SIL1: variants seen among roughly 807,000 people sequenced by gnomAD.
The protein encoded by SIL1 is SIL1 nucleotide exchange factor.
SIL1 carries 40 observed loss-of-function variants against 49.1 expected under a neutral mutation model. The ratio of observed to expected loss-of-function variants is 0.81; its 90% CI spans 0.63 to 1.06. SIL1 has a LOEUF of 1.06. SIL1 is among the 50% of genes least tolerant of loss of function. The probability of loss-of-function intolerance (pLI) is 0.00; values close to 1 mark genes in which losing one functional copy is unlikely to be tolerated. For synonymous variants in SIL1, 253 were observed against 250.8 expected (o/e 1.01, Z -0.08); for missense variants, 500 against 572.6 (o/e 0.87, Z 1.29).
intron 1 of SIL1, among the ~76,000 whole-genome samples, chr5:139,160,907 A>G: frequency 6.6e-6 from 1 of 152,188 alleles, no homozygotes; most frequent in Non-Finnish European, 1.5e-5. Flanking sequence ...AGACTATTCC[A>G]GAAGGATAGG....
chr5:139,129,292 A>T (rs776227734), intron 1 of SIL1, among the ~76,000 whole-genome samples: 17 of 152,256 alleles, frequency 1.1e-4, no homozygotes, highest in Non-Finnish European at 2.2e-4. Context: ...ATAATCTCAT[A>T]TATGGCCAAT....
intron 3 of SIL1, among the ~76,000 whole-genome samples, chr5:139,077,477 T>G (rs1561853267): frequency 6.6e-6 from 1 of 152,182 alleles, no homozygotes; most frequent in Non-Finnish European, 1.5e-5. Context: ...AAACTCCATC[T>G]CCCTAAACTG....
intron 1 of SIL1, among the ~76,000 whole-genome samples, chr5:139,160,550 G>C (rs897621909): frequency 2.6e-5 from 4 of 152,180 alleles, no homozygotes; most frequent in African/African-American, 4.8e-5. Context: ...CATAAAAAAG[G>C]GAGCGAGGCC....
intron 3 of SIL1, among the ~76,000 whole-genome samples, chr5:139,092,265 T>A (rs980685477): frequency 6.6e-6 from 1 of 152,174 alleles, no homozygotes; most frequent in Non-Finnish European, 1.5e-5. Flanking sequence ...TCTTGGACAC[T>A]CAGACTTTAA....
chr5:138,966,784 C>G (rs1767153692), intron 7 of SIL1, among the ~76,000 whole-genome samples: 1 of 152,150 alleles, frequency 6.6e-6, no homozygotes, highest in Non-Finnish European at 1.5e-5. Context: ...CATCAACAAA[C>G]TGAGTCATAG....
At chr5:139,104,191 C>T (rs966067161) in intron 3 of SIL1, among the ~76,000 whole-genome samples, 1 of 152,228 alleles carries the variant, frequency 6.6e-6, no homozygotes, top group Admixed American at 6.5e-5. Context: ...TTAAAGACGG[C>T]AGCACGTGGC....
intron 6 of SIL1, 134 bp downstream of exon 6, chr5:139,026,667 A>G (rs769190600): frequency 2.8e-5 from 24 of 854,308 alleles, no homozygotes; most frequent in Non-Finnish European, 4.4e-5. Flanking sequence ...AAAAGATAAC[A>G]AGACTAGATT....
At chr5:139,110,923 G>A (rs887029988) in intron 3 of SIL1, among the ~76,000 whole-genome samples, 1 of 152,226 alleles carries the variant, frequency 6.6e-6, no homozygotes, top group African/African-American at 2.4e-5. Context: ...CAACCCAAGA[G>A]TCCCCAGAAT....
At chr5:139,041,003 G>A (rs906700171) in intron 5 of SIL1, among the ~76,000 whole-genome samples, 8 of 152,140 alleles carry the variant, frequency 5.3e-5, no homozygotes, top group African/African-American at 1.7e-4. Flanking sequence ...CAGAGAAGAC[G>A]CTGAATAGGA....
chr5:139,019,972 C>T (rs1037665554), intron 7 of SIL1, among the ~76,000 whole-genome samples: 1 of 152,214 alleles, frequency 6.6e-6, no homozygotes, highest in African/African-American at 2.4e-5. Context: ...TTCCTCATGA[C>T]TGAAACCGCA....
intron 1 of SIL1, among the ~76,000 whole-genome samples, chr5:139,166,824 T>G (rs925916848): frequency 1.3e-5 from 2 of 151,120 alleles, no homozygotes; most frequent in African/African-American, 4.9e-5. Context: ...TTTTGTTTTT[T>G]TTGAGACAGA....
intron 1 of SIL1, among the ~76,000 whole-genome samples, chr5:139,182,274 T>G (rs1237389814): frequency 2.0e-5 from 3 of 152,084 alleles, no homozygotes; most frequent in Non-Finnish European, 2.9e-5. Flanking sequence ...AGAAGGAAAT[T>G]AATATGACGC....
chr5:139,052,500 A>G (rs929338490), intron 3 of SIL1, among the ~76,000 whole-genome samples: 1 of 152,130 alleles, frequency 6.6e-6, no homozygotes, highest in Non-Finnish European at 1.5e-5. Context: ...GCCTTGGCAA[A>G]TGGTGAAACC....
At chr5:139,026,044 C>T (rs1407429161) in intron 6 of SIL1, among the ~76,000 whole-genome samples, 3 of 152,298 alleles carry the variant, frequency 2.0e-5, no homozygotes, top group East Asian at 1.9e-4. Flanking sequence ...CATCCTATAA[C>T]GCTTGGCCTA....
intron 2 of SIL1, among the ~76,000 whole-genome samples, chr5:139,122,562 T>A (rs1400577990): frequency 6.6e-6 from 1 of 151,840 alleles, no homozygotes; most frequent in Non-Finnish European, 1.5e-5. Flanking sequence ...ACCACCACAC[T>A]TCAGCCTGTG....
At chr5:139,157,075 C>T (rs894287032) in intron 1 of SIL1, among the ~76,000 whole-genome samples, 2 of 152,172 alleles carry the variant, frequency 1.3e-5, no homozygotes, top group African/African-American at 4.8e-5. Context: ...CTGACAGCTC[C>T]TCTGCTGCAA....
At chr5:138,988,549 G>A (rs1414193935) in intron 7 of SIL1, among the ~76,000 whole-genome samples, 1 of 152,112 alleles carries the variant, frequency 6.6e-6, no homozygotes, top group Non-Finnish European at 1.5e-5. Flanking sequence ...TTTAAACGTA[G>A]GTCAATGTAA....
At chr5:139,039,191 AC>A (rs1331994569) in intron 5 of SIL1, among the ~76,000 whole-genome samples, 1 of 152,170 alleles carries the variant, frequency 6.6e-6, no homozygotes, top group Non-Finnish European at 1.5e-5. Context: ...GCCTTCTACC[AC>A]TTTTTACTGC....
At chr5:139,144,656 A>G (rs1751157116) in intron 1 of SIL1, among the ~76,000 whole-genome samples, 1 of 152,204 alleles carries the variant, frequency 6.6e-6, no homozygotes, top group South Asian at 2.1e-4. Flanking sequence ...AGATCACCTG[A>G]TGTCAGGAGT....
Sources: allele counts gnomAD v4.1 joint callset (sites outside exome capture counted in the v4.1 genomes callset), GRCh38; gene constraint gnomAD v4.1.1; transcripts MANE v1.5; gene names NCBI Gene and HGNC (gene_info 2026-07-23, HGNC 2026-07-21).